The following ARB2A variants were observed in gnomAD, a reference collection of about 807,000 sequenced individuals.
ARB2A encodes the protein ARB2 cotranscriptional regulator A.
the ARB2A span, among the ~76,000 whole-genome samples, chr5:93,689,152 G>A: frequency 1.4e-4 from 21 of 151,822 alleles, no homozygotes; most frequent in South Asian, 4.2e-4. Context: ...ACTTTTTTTC[G>A]GTTGTCAAAT....
the ARB2A span, among the ~76,000 whole-genome samples, chr5:94,001,865 C>T: frequency 6.6e-6 from 1 of 152,072 alleles, no homozygotes; most frequent in Non-Finnish European, 1.5e-5. Flanking sequence ...TAACTTGCAA[C>T]TTTCTGATAA....
chr5:93,922,330 G>T, the ARB2A span, among the ~76,000 whole-genome samples: 1 of 151,670 alleles, frequency 6.6e-6, no homozygotes, highest in Non-Finnish European at 1.5e-5. Flanking sequence ...TAAGGATCTT[G>T]GGATATTCAA....
chr5:93,991,562 A>G, the ARB2A span, among the ~76,000 whole-genome samples: 1 of 152,038 alleles, frequency 6.6e-6, no homozygotes, highest in Non-Finnish European at 1.5e-5. Context: ...ATAAAAGCAT[A>G]ATGAGAAAAG....
the ARB2A span, among the ~76,000 whole-genome samples, chr5:93,622,564 A>G: frequency 6.6e-6 from 1 of 152,150 alleles, no homozygotes; most frequent in African/African-American, 2.4e-5. Context: ...TAGCTGTGGG[A>G]GCTGGCCCTA....
chr5:93,721,642 G>A, the ARB2A span, among the ~76,000 whole-genome samples: 1 of 152,090 alleles, frequency 6.6e-6, no homozygotes, highest in Non-Finnish European at 1.5e-5. Flanking sequence ...GTTTCCCAAC[G>A]TTGAGGAACT....
At chr5:93,812,082 A>G in the ARB2A span, among the ~76,000 whole-genome samples, 1 of 152,168 alleles carries the variant, frequency 6.6e-6, no homozygotes, top group Non-Finnish European at 1.5e-5. Flanking sequence ...CTTAGAGTAA[A>G]CACACATGCT....
chr5:94,033,744 T>C, the ARB2A span, among the ~76,000 whole-genome samples: 1 of 152,184 alleles, frequency 6.6e-6, no homozygotes, highest in African/African-American at 2.4e-5. Context: ...GTATTTTGCA[T>C]GTAAGAAGGA....
the ARB2A span, among the ~76,000 whole-genome samples, chr5:93,746,289 T>C: frequency 6.6e-6 from 1 of 152,186 alleles, no homozygotes; most frequent in African/African-American, 2.4e-5. Flanking sequence ...AATAGGATAA[T>C]TTATTGCTTT....
the ARB2A span, among the ~76,000 whole-genome samples, chr5:93,751,127 G>T: frequency 2.0e-5 from 3 of 150,794 alleles, no homozygotes; most frequent in Non-Finnish European, 4.4e-5. Context: ...AAAGCTTAAG[G>T]TAGGGTGTAT....
the ARB2A span, among the ~76,000 whole-genome samples, chr5:93,753,307 T>C: frequency 6.6e-6 from 1 of 152,342 alleles, no homozygotes; most frequent in Non-Finnish European, 1.5e-5. Context: ...CTCCTTAATG[T>C]CATTTCCTCA....
chr5:93,981,686 T>C, the ARB2A span, among the ~76,000 whole-genome samples: 1 of 151,922 alleles, frequency 6.6e-6, no homozygotes, highest in Admixed American at 6.6e-5. Context: ...TACATGGTAT[T>C]CTTAGATTTT....
the ARB2A span, among the ~76,000 whole-genome samples, chr5:93,657,851 C>T: frequency 3.9e-5 from 6 of 152,118 alleles, no homozygotes; most frequent in African/African-American, 1.4e-4. Flanking sequence ...AATCCCCAGG[C>T]TGTATTTCTA....
chr5:93,757,404 T>A, the ARB2A span, among the ~76,000 whole-genome samples: 28,090 of 152,032 alleles, frequency 0.18, 2,995 homozygotes, highest in Middle Eastern at 0.28. Flanking sequence ...CACAAAAAAG[T>A]TCTTCACCTA....
chr5:93,801,881 C>T, the ARB2A span, among the ~76,000 whole-genome samples: 7 of 152,058 alleles, frequency 4.6e-5, no homozygotes, highest in South Asian at 2.1e-4. Flanking sequence ...ATGGCCAGAA[C>T]GAAGTCTGAA....
the ARB2A span, among the ~76,000 whole-genome samples, chr5:94,001,057 T>C: frequency 6.6e-6 from 1 of 152,136 alleles, no homozygotes; most frequent in African/African-American, 2.4e-5. Flanking sequence ...TGTATATTTA[T>C]AGTAAGTCTT....
chr5:93,860,610 C>A, the ARB2A span: 1 of 150,360 alleles, frequency 6.7e-6, no homozygotes, highest in African/African-American at 2.4e-5. Context: ...GATGTGAACA[C>A]ATGTCAATTT....
the ARB2A span, among the ~76,000 whole-genome samples, chr5:93,801,439 A>T: frequency 6.6e-6 from 1 of 152,284 alleles, no homozygotes; most frequent in East Asian, 1.9e-4. Context: ...CATTTCCTGA[A>T]GAAAGATGCA....
At chr5:93,633,930 C>T in the ARB2A span, among the ~76,000 whole-genome samples, 1 of 151,972 alleles carries the variant, frequency 6.6e-6, no homozygotes, top group Non-Finnish European at 1.5e-5. Flanking sequence ...CTCAGCCTCC[C>T]GAGTAGTAGG....
the ARB2A span, among the ~76,000 whole-genome samples, chr5:93,934,645 T>G: frequency 1.3e-5 from 2 of 152,136 alleles, no homozygotes; most frequent in Admixed American, 6.5e-5. Context: ...TCTTCACTCT[T>G]AAGAGACAAG....
Sources: allele counts gnomAD v4.1 joint callset (sites outside exome capture counted in the v4.1 genomes callset), GRCh38; gene constraint gnomAD v4.1.1; transcripts MANE v1.5; gene names NCBI Gene and HGNC (gene_info 2026-07-23, HGNC 2026-07-21).